The following STPG2 variants were observed in gnomAD, a reference collection of about 807,000 sequenced individuals.
STPG2 encodes sperm-tail PG-rich repeat-containing protein 2.
A neutral mutation model predicts 54.2 loss-of-function variants in STPG2; 56 were observed. The observed-to-expected ratio is 1.03, with a 90% CI of 0.83 to 1.29. The LOEUF is 1.29. Ranked by LOEUF, STPG2 falls within the 50% of genes most tolerant of loss-of-function variation. STPG2 has a pLI of 0.00. For missense variants in STPG2, 596 were observed against 544.9 expected (o/e 1.09, Z -0.93); for synonymous variants, 200 against 181.8 (o/e 1.10, Z -0.81).
At chr4:97,923,278 G>T (rs1389332011) in intron 8 of STPG2, among the ~76,000 whole-genome samples, 1 of 151,834 alleles carries the variant, frequency 6.6e-6, no homozygotes, top group Admixed American at 6.6e-5. Context: ...GGGAACAGGG[G>T]CTGTGCGCAG....
At chr4:97,938,197 G>C (rs1248512903) in intron 8 of STPG2, among the ~76,000 whole-genome samples, 1 of 152,146 alleles carries the variant, frequency 6.6e-6, no homozygotes, top group Non-Finnish European at 1.5e-5. Context: ...GCTGCGCTGT[G>C]GGGAATATCT....
At chr4:97,530,498 A>ATGTGTG (rs538280530) in intron 4 of STPG2, among the ~76,000 whole-genome samples, 1 of 149,236 alleles carries the variant, frequency 6.7e-6, no homozygotes, top group African/African-American at 2.5e-5. Context: ...GAAAACCAAA[A>ATGTGTG]TGTGTGTGTG....
At chr4:97,796,155 G>T (rs1200776079) in intron 9 of STPG2, among the ~76,000 whole-genome samples, 1 of 152,130 alleles carries the variant, frequency 6.6e-6, no homozygotes, top group Non-Finnish European at 1.5e-5. Flanking sequence ...TAGGTTGCCT[G>T]TTCACTCTGA....
At chr4:97,801,829 T>C (rs949717188) in intron 9 of STPG2, among the ~76,000 whole-genome samples, 3 of 152,170 alleles carry the variant, frequency 2.0e-5, no homozygotes, top group African/African-American at 7.2e-5. Context: ...TCCTATCCCT[T>C]TATTCTCTGC....
intron 8 of STPG2, among the ~76,000 whole-genome samples, chr4:97,888,726 A>G (rs1027387995): frequency 6.6e-6 from 1 of 152,150 alleles, no homozygotes; most frequent in Non-Finnish European, 1.5e-5. Context: ...GCAATGTGAG[A>G]AGAACATGAG....
chr4:97,645,652 T>A (rs1045099260), intron 10 of STPG2, among the ~76,000 whole-genome samples: 1 of 152,162 alleles, frequency 6.6e-6, no homozygotes, highest in African/African-American at 2.4e-5. Flanking sequence ...TTCCAGACTC[T>A]GAGAAATTAG....
chr4:97,829,932 C>T (rs1728397060), intron 9 of STPG2, among the ~76,000 whole-genome samples: 1 of 152,080 alleles, frequency 6.6e-6, no homozygotes, highest in Admixed American at 6.5e-5. Flanking sequence ...AGAATAGAAC[C>T]AAGTTGGAAA....
chr4:97,525,044 AACC>A (rs755150930), intron 4 of STPG2, among the ~76,000 whole-genome samples: 1 of 151,944 alleles, frequency 6.6e-6, no homozygotes, highest in Non-Finnish European at 1.5e-5. Context: ...TATTGAAATG[AACC>A]ACTTTTCTCT....
At chr4:97,784,586 G>GA (rs955037963) in intron 9 of STPG2, among the ~76,000 whole-genome samples, 62 of 151,420 alleles carry the variant, frequency 4.1e-4, no homozygotes, top group Middle Eastern at 3.4e-3. Context: ...TAGTAAAAAA[G>GA]AAAAAAAAGT....
At chr4:97,461,181 T>G (rs1166879091) in intron 4 of STPG2, among the ~76,000 whole-genome samples, 3 of 152,192 alleles carry the variant, frequency 2.0e-5, no homozygotes, top group Non-Finnish European at 4.4e-5. Context: ...TTTTACAGAA[T>G]CTACCAAGTA....
intron 10 of STPG2, among the ~76,000 whole-genome samples, chr4:97,593,832 G>A (rs528063071): frequency 6.6e-6 from 1 of 151,886 alleles, no homozygotes; most frequent in East Asian, 1.9e-4. Context: ...AGGGGCCAGA[G>A]AACAAAACCA....
At chr4:97,559,412 C>G (rs550655364) in intron 10 of STPG2, among the ~76,000 whole-genome samples, 1 of 152,186 alleles carries the variant, frequency 6.6e-6, no homozygotes, top group Admixed American at 6.5e-5. Flanking sequence ...GTTGTCTAGG[C>G]CCACACATGT....
rs116333995 is a variant in STPG2, at chr4:97,824,977, G to A, written c.1204+15796C>T. Among the ~76,000 whole-genome samples, 1,083 of 152,166 alleles carry A rather than the reference G, an allele frequency of 7.1e-3. 14 individuals carry two copies. Among genetic ancestry groups the A allele is most frequent in the South Asian group, 0.017 (84 of 4,818 alleles). ...AGGTTACCTTTAGTAAGGTTCAAACGCCAGAAATATTGGCTGTTTGGCCTG... is the reference window on the plus strand; with the variant it reads ...AGGTTACCTTTAGTAAGGTTCAAACACCAGAAATATTGGCTGTTTGGCCTG... On this transcript the variant is annotated intron_variant, in intron 9 of 10. Transcript: ENST00000295268.
chr4:97,888,847 C>A (rs944983404), intron 8 of STPG2, among the ~76,000 whole-genome samples: 1 of 152,104 alleles, frequency 6.6e-6, no homozygotes, highest in Non-Finnish European at 1.5e-5. Flanking sequence ...TAGGAGGTGA[C>A]TGGATCATTG....
intron 5 of STPG2, among the ~76,000 whole-genome samples, chr4:98,045,221 CA>C (rs59284016): frequency 0.4 from 60,825 of 151,938 alleles, 13,636 homozygotes; most frequent in Admixed American, 0.54. Flanking sequence ...TCATGCTCAT[CA>C]GCTTATGGCT....
chr4:97,947,777 T>C (rs1560604696), intron 7 of STPG2, among the ~76,000 whole-genome samples: 1 of 152,126 alleles, frequency 6.6e-6, no homozygotes, highest in African/African-American at 2.4e-5. Context: ...ATGTATTATC[T>C]TTCTGATGTG....
chr4:97,984,030 C>T (rs754686987), intron 5 of STPG2, among the ~76,000 whole-genome samples: 3 of 151,426 alleles, frequency 2.0e-5, no homozygotes, highest in Non-Finnish European at 4.4e-5. Flanking sequence ...ACAATGAAAA[C>T]CATACCTCAG....
At chr4:97,825,486 T>C (rs1053299322) in intron 9 of STPG2, among the ~76,000 whole-genome samples, 10 of 152,126 alleles carry the variant, frequency 6.6e-5, no homozygotes, top group African/African-American at 7.2e-5. Flanking sequence ...CTGTGGGAGA[T>C]GCATTGATTC....
chr4:97,629,903 G>C (rs1330985423), intron 10 of STPG2, among the ~76,000 whole-genome samples: 5 of 151,912 alleles, frequency 3.3e-5, no homozygotes, highest in Non-Finnish European at 2.9e-5. Flanking sequence ...AGAAACCTTG[G>C]AAAGCTCCAT....
Sources: allele counts gnomAD v4.1 joint callset (sites outside exome capture counted in the v4.1 genomes callset), GRCh38; gene constraint gnomAD v4.1.1; transcripts MANE v1.5; gene names NCBI Gene and HGNC (gene_info 2026-07-23, HGNC 2026-07-21).